The following ANK2 variants were observed in gnomAD, a reference collection of about 807,000 sequenced individuals.
ANK2 encodes ankyrin 2.
Under a neutral mutation model 360.5 loss-of-function variants are expected in ANK2, and 83 were observed. The observed-to-expected ratio is 0.23, with a 90% CI of 0.19 to 0.28. The LOEUF is 0.28. Ranked by LOEUF, ANK2 falls within the 10% of genes least tolerant of loss-of-function variation. The pLI is 1.00. For synonymous variants in ANK2, 1,740 were observed against 1,759.5 expected, an observed-to-expected ratio of 0.99 and a Z score of 0.28; for missense variants, 4,201 against 4,795.7, an observed-to-expected ratio of 0.88 and a Z score of 3.66.
intron 2 of ANK2, among the ~76,000 whole-genome samples, chr4:113,043,989 T>C (rs1421023495): frequency 6.6e-6 from 1 of 152,176 alleles, no homozygotes; most frequent in African/African-American, 2.4e-5. Flanking sequence ...TGGTTCCCTT[T>C]CTTACCAGAC....
intron 14 of ANK2, among the ~76,000 whole-genome samples, chr4:113,269,213 C>T (rs2057499767): frequency 6.6e-6 from 1 of 152,158 alleles, no homozygotes; most frequent in Non-Finnish European, 1.5e-5. Context: ...TGCTTGGCTC[C>T]CCTGGGGTGG....
At chr4:113,301,653 A>G (rs1413849139) in intron 22 of ANK2, among the ~76,000 whole-genome samples, 1 of 151,946 alleles carries the variant, frequency 6.6e-6, no homozygotes, top group African/African-American at 2.4e-5. Context: ...TCCTTCTCCA[A>G]CACCTGGTCA....
chr4:113,094,517 CGTGTGT>C (rs35254461), intron 1 of ANK2, among the ~76,000 whole-genome samples: 14 of 149,472 alleles, frequency 9.4e-5, no homozygotes, highest in Non-Finnish European at 1.6e-4. Context: ...GGGTGCAGCA[CGTGTGT>C]GTGTGTGTGT....
chr4:113,371,149 GC>G (rs935584949), intron 43 of ANK2, among the ~76,000 whole-genome samples: 1 of 152,096 alleles, frequency 6.6e-6, no homozygotes, highest in African/African-American at 2.4e-5. Flanking sequence ...ATTTTGGGGG[GC>G]AAATAAAGTG....
intron 2 of ANK2, among the ~76,000 whole-genome samples, chr4:112,993,119 C>T (rs78167158): frequency 0.051 from 7,744 of 151,340 alleles, 647 homozygotes; most frequent in African/African-American, 0.17. Context: ...CTTGTCTCTA[C>T]AAAAAATAAA....
chr4:112,830,984 A>G (rs2149668632), intron 1 of ANK2, among the ~76,000 whole-genome samples: 1 of 152,304 alleles, frequency 6.6e-6, no homozygotes, highest in East Asian at 1.9e-4. Flanking sequence ...CGGGTCCCCC[A>G]GCACTGCTGG....
intron 45 of ANK2, among the ~76,000 whole-genome samples, chr4:113,377,728 T>C (rs538942651): frequency 2.8e-4 from 42 of 152,310 alleles, no homozygotes; most frequent in Admixed American, 1.4e-3. Context: ...CAAAAATGAA[T>C]TATCTGTGTT....
intron 1 of ANK2, among the ~76,000 whole-genome samples, chr4:113,116,251 C>T (rs2094759745): frequency 6.6e-6 from 1 of 152,104 alleles, no homozygotes. Context: ...ATAATGAGTA[C>T]CTATGTGCCC....
intron 1 of ANK2, among the ~76,000 whole-genome samples, chr4:112,899,160 A>G (rs2082571277): frequency 6.6e-6 from 1 of 152,188 alleles, no homozygotes; most frequent in African/African-American, 2.4e-5. Context: ...TAGTACAAAG[A>G]CTTGAATATC....
At chr4:113,278,011 C>G in intron 16 of ANK2, 76 bp downstream of exon 16, 1 of 1,385,782 alleles carries the variant, frequency 7.2e-7, no homozygotes. Context: ...ACATTTTTCT[C>G]ACTTCTCTGA....
intron 18 of ANK2, among the ~76,000 whole-genome samples, chr4:113,283,544 G>A (rs1298265123): frequency 4.6e-5 from 7 of 151,934 alleles, no homozygotes; most frequent in Non-Finnish European, 7.4e-5. Flanking sequence ...TAATACAATG[G>A]CAGTCAAAGA....
At chr4:112,891,682 T>C (rs73840924) in intron 1 of ANK2, among the ~76,000 whole-genome samples, 6,816 of 152,232 alleles carry the variant, frequency 0.045, 174 homozygotes, top group Middle Eastern at 0.071. Flanking sequence ...AAAATAAAAA[T>C]AATATTATTA....
At chr4:113,027,711 TGCA>T (rs1330401072) in intron 2 of ANK2, among the ~76,000 whole-genome samples, 1 of 152,144 alleles carries the variant, frequency 6.6e-6, no homozygotes, top group African/African-American at 2.4e-5. Context: ...GCCTATTATT[TGCA>T]GAAAATTAAA....
chr4:113,081,268 C>G (rs2082303663), intron 1 of ANK2, among the ~76,000 whole-genome samples: 1 of 152,158 alleles, frequency 6.6e-6, no homozygotes, highest in Non-Finnish European at 1.5e-5. Flanking sequence ...CATAGGGAAG[C>G]TTCTTGCACA....
chr4:112,738,856 GCAA>G, the ANK2 span: 6 of 649,068 alleles, frequency 9.2e-6, no homozygotes, highest in East Asian at 3.8e-5. Context: ...GGTTATGGGA[GCAA>G]CAACAACAAA....
At chr4:113,045,900 A>C (rs374376117), upstream of ANK2, among the ~76,000 whole-genome samples, 77 of 152,350 alleles carry the variant, frequency 5.1e-4, no homozygotes, top group African/African-American at 1.7e-3. Flanking sequence ...AACTCATAGT[A>C]AGTACTGAAA....
chr4:112,988,694 A>C (rs368905395), intron 2 of ANK2, among the ~76,000 whole-genome samples: 1 of 152,252 alleles, frequency 6.6e-6, no homozygotes, highest in South Asian at 2.1e-4. Flanking sequence ...ACAATGCCTC[A>C]TGACTTATAA....
chr4:112,989,537 A>G lies in ANK2; in HGVS notation c.21+85023A>G, dbSNP rs145270248. Among the ~76,000 whole-genome samples the G allele has an allele frequency of 2.0e-4, 31 of 152,348 alleles. No individual in the cohort carries two copies. The East Asian group carries it at 5.8e-3, about 28-fold the overall frequency. ...GACAGGTGCAGCAGCCTCGTGCAGT[A>G]TGTTCTCATTATGCTTATGTAAAGT... On this transcript the variant is annotated intron_variant, in intron 2 of 30. Transcript: ENST00000503271.
intron 4 of ANK2, among the ~76,000 whole-genome samples, chr4:113,226,244 C>T (rs1194667995): frequency 1.3e-5 from 2 of 152,110 alleles, no homozygotes; most frequent in East Asian, 3.9e-4. Flanking sequence ...GTGTCAAACC[C>T]CCGTACAAAA....
Sources: allele counts gnomAD v4.1 joint callset (sites outside exome capture counted in the v4.1 genomes callset), GRCh38; gene constraint gnomAD v4.1.1; transcripts MANE v1.5; gene names NCBI Gene and HGNC (gene_info 2026-07-23, HGNC 2026-07-21).